The following GNAL variants were observed in gnomAD, a reference collection of about 807,000 sequenced individuals.
GNAL encodes the protein G protein subunit alpha L, also known as guanine nucleotide-binding protein G(olf) subunit alpha.
GNAL carries 18 observed loss-of-function variants against 55.1 expected under a neutral mutation model. That is an observed-to-expected ratio of 0.33 (90% confidence interval 0.23 to 0.48). The LOEUF is 0.48. Ranked by LOEUF, GNAL falls within the 20% of genes least tolerant of loss-of-function variation. The pLI is 0.99. For missense variants in GNAL, 412 were observed against 614.1 expected, an observed-to-expected ratio of 0.67 and a Z score of 3.48; for synonymous variants, 253 against 237.0, an observed-to-expected ratio of 1.07 and a Z score of -0.62.
At chr18:11,755,557 G>A (rs2033025885) in intron 4 of GNAL, among the ~76,000 whole-genome samples, 1 of 152,214 alleles carries the variant, frequency 6.6e-6, no homozygotes, top group African/African-American at 2.4e-5. Context: ...TTACAGGCAT[G>A]AGCCACCGTG....
In GNAL at chr18:11,881,684, A is replaced by G. The variant is rs2036698235; in HGVS notation, c.*549A>G. 1 of 152,650 alleles carries G rather than the reference A, an allele frequency of 6.6e-6. No individual in the cohort carries two copies. Among genetic ancestry groups the G allele is most frequent in the South Asian group, 2.1e-4 (1 of 4,830 alleles). The allele number at this position is 152,650 out of a possible 1,614,324, so 9.5% of individuals were successfully genotyped here. A position where few individuals can be genotyped will look rare whatever the true frequency, so the allele number is the denominator to read the frequency against. ...TTCAGAGTCGCTGCTGGCCTCAGGC[A>G]TTTGAATTAGAGCTACTTTGAGCCT... On this transcript the variant is annotated 3_prime_UTR_variant, in exon 12 of 12. Transcript: ENST00000334049. The surrounding 1 kb of genome is among the most constrained non-coding windows in gnomAD (Gnocchi z 4.8).
chr18:11,705,818 C>T (rs1266076408), intron 1 of GNAL, among the ~76,000 whole-genome samples: 1 of 147,432 alleles, frequency 6.8e-6, no homozygotes, highest in Admixed American at 6.8e-5. Context: ...TGCAGTGGCA[C>T]GATTTCGGCT....
intron 1 of GNAL, among the ~76,000 whole-genome samples, chr18:11,728,547 G>A (rs188961959): frequency 7.9e-5 from 12 of 152,244 alleles, no homozygotes; most frequent in African/African-American, 2.6e-4. Flanking sequence ...TTCTGAGTTG[G>A]ACAACTCAGG....
At chr18:11,873,565 G>A (rs2143896933) in intron 10 of GNAL, among the ~76,000 whole-genome samples, 1 of 152,380 alleles carries the variant, frequency 6.6e-6, no homozygotes, top group Non-Finnish European at 1.5e-5. Flanking sequence ...GCACCCGCCA[G>A]AGGGTCACTC....
At chr18:11,710,804 T>C (rs1450568150) in intron 1 of GNAL, among the ~76,000 whole-genome samples, 1 of 152,192 alleles carries the variant, frequency 6.6e-6, no homozygotes, top group African/African-American at 2.4e-5. Context: ...AAGTTCCTTT[T>C]CTCTTGCTGC....
In GNAL at chr18:11,689,576, TAC is replaced by T. The variant is rs1219970851; in HGVS notation, c.15_16del (p.Tyr5Ter). 1 of 1,327,204 alleles carries T rather than the reference TAC, an allele frequency of 7.5e-7. No homozygotes were observed. 82.2% of individuals were successfully genotyped at this position (1,327,204 alleles called of 1,614,324 possible). A position where few individuals can be genotyped will look rare whatever the true frequency, so the allele number is the denominator to read the frequency against. On this transcript the variant is annotated frameshift_variant, in exon 1 of 12. Coordinates refer to ENST00000334049, the MANE Select transcript of GNAL (RefSeq NM_182978.4). LOFTEE classifies it high-confidence loss of function. ...GTGCCGCGCCCACATGGGTCTGTGC[TAC>T]AGTCTGCGGCCGCTGCTTTTCGGGG... MGLC[Y>X]SLRPLLFGGP...
At chr18:11,799,976 AT>A (rs554283258) in intron 4 of GNAL, among the ~76,000 whole-genome samples, 199 of 150,576 alleles carry the variant, frequency 1.3e-3, no homozygotes, top group African/African-American at 4.7e-3. Flanking sequence ...CCTTTTCCCT[AT>A]TTTTTGTCAT....
chr18:11,731,349 T>A (rs2032335738), intron 1 of GNAL, among the ~76,000 whole-genome samples: 1 of 152,252 alleles, frequency 6.6e-6, no homozygotes, highest in African/African-American at 2.4e-5. Flanking sequence ...GGTTTCTCCA[T>A]GTTGGCCAGG....
intron 1 of GNAL, among the ~76,000 whole-genome samples, chr18:11,740,712 A>T (rs763546936): frequency 2.6e-5 from 4 of 152,298 alleles, no homozygotes; most frequent in Non-Finnish European, 5.9e-5. Flanking sequence ...GCTCAACCAT[A>T]CAATACATCT....
chr18:11,797,698 G>T (rs1000918285), intron 4 of GNAL, among the ~76,000 whole-genome samples: 3 of 152,058 alleles, frequency 2.0e-5, no homozygotes, highest in Admixed American at 2.0e-4. Flanking sequence ...AGTGGAGGCT[G>T]CAGTGAGCCA....
chr18:11,838,422 T>C lies in GNAL; in HGVS notation c.722+13407T>C, dbSNP rs138223905. ...TGGACTTGGGGGATGAGGAATCGCT[T>C]TAATGTGTACAGAGTTTCCTCTTGG... On this transcript the variant is annotated intron_variant, in intron 5 of 11. Coordinates refer to ENST00000334049, the MANE Select transcript of GNAL (RefSeq NM_182978.4). Among the ~76,000 whole-genome samples, 18 of 152,250 alleles carry C rather than the reference T, an allele frequency of 1.2e-4. No individual in the cohort carries two copies. The East Asian group carries it at 3.5e-3, about 29-fold the overall frequency.
intron 1 of GNAL, among the ~76,000 whole-genome samples, chr18:11,710,704 G>A (rs530098623): frequency 3.3e-4 from 50 of 151,702 alleles, no homozygotes; most frequent in African/African-American, 1.1e-3. Context: ...CTTTTAGAAC[G>A]TTGAATATAT....
Position 11,881,590 on chromosome 18 carries a change from T to C in GNAL, c.*455T>C, listed in dbSNP as rs144572516. The C allele has an allele frequency of 0.011, 1,644 of 154,466 alleles. 10 individuals are homozygous for C. The highest frequency in any genetic ancestry group is 0.018 in the Non-Finnish European group (1,245 of 69,188). 9.6% of individuals were successfully genotyped at this position (154,466 alleles called of 1,614,324 possible). A position where few individuals can be genotyped will look rare whatever the true frequency, so the allele number is the denominator to read the frequency against. On this transcript the variant is annotated 3_prime_UTR_variant, in exon 12 of 12. Coordinates refer to ENST00000334049, the MANE Select transcript of GNAL (RefSeq NM_182978.4). The surrounding 1 kb of genome is among the most constrained non-coding windows in gnomAD (Gnocchi z 4.8). ...GCTGACGAGAGATGGTCCCTTCCCA[T>C]TGGCCTTAGCCCAAGACTTGGAGTC...
intron 10 of GNAL, among the ~76,000 whole-genome samples, chr18:11,872,917 T>C (rs923636661): frequency 1.3e-5 from 2 of 152,262 alleles, no homozygotes; most frequent in African/African-American, 4.8e-5. Context: ...CGCGCTTATC[T>C]GCTCCTGTCT....
intron 1 of GNAL, chr18:11,746,046 A>G: frequency 1.4e-5 from 5 of 369,476 alleles, no homozygotes; most frequent in South Asian, 9.7e-5. Context: ...CAGAAGATGG[A>G]TTTTGGTTGT....
chr18:11,768,670 G>A (rs564419839), intron 4 of GNAL, among the ~76,000 whole-genome samples: 3 of 150,094 alleles, frequency 2.0e-5, no homozygotes, highest in Non-Finnish European at 4.4e-5. Context: ...CGAGGCGGGC[G>A]GATCACGAGG....
At chr18:11,699,912 T>C (rs575269368) in intron 1 of GNAL, among the ~76,000 whole-genome samples, 1 of 152,060 alleles carries the variant, frequency 6.6e-6, no homozygotes, top group East Asian at 1.9e-4. Flanking sequence ...CTATGAGGGA[T>C]GTTGCTGGTG....
chr18:11,809,013 T>G (rs1181687229), intron 4 of GNAL, among the ~76,000 whole-genome samples: 2 of 152,198 alleles, frequency 1.3e-5, no homozygotes, highest in Non-Finnish European at 2.9e-5. Context: ...ATCCCAGCAC[T>G]TTGGGAGGCC....
At chr18:11,788,474 A>G (rs1202938109) in intron 4 of GNAL, among the ~76,000 whole-genome samples, 1 of 151,980 alleles carries the variant, frequency 6.6e-6, no homozygotes, top group East Asian at 1.9e-4. Context: ...CTGTACTTAC[A>G]CTCCACAATC....
Sources: gnomAD v4.1 joint callset for allele counts (sites outside exome capture counted in the v4.1 genomes callset) on GRCh38, gnomAD v4.1.1 for gene constraint, Gnocchi (gnomAD v3.1) non-coding constraint, MANE v1.5 for transcripts, NCBI Gene and HGNC (gene_info 2026-07-23, HGNC 2026-07-21) for gene names.